Variants in MID1 observed in about 807,000 individuals in gnomAD.
The protein encoded by MID1 is midline 1.
MID1 carries 7 observed loss-of-function variants against 40.4 expected under a neutral mutation model. The ratio of observed to expected loss-of-function variants is 0.17; its 90% CI spans 0.10 to 0.33. The LOEUF (loss-of-function observed/expected upper bound fraction) is 0.33. MID1 is among the 10% of genes least tolerant of loss of function. The pLI is 1.00. For synonymous variants in MID1, 229 were observed against 221.2 expected (o/e 1.04, Z -0.31); for missense variants, 367 against 558.5 (o/e 0.66, Z 3.46).
At chrX:10,564,999 G>T (rs1259331427) in intron 2 of MID1, among the ~76,000 whole-genome samples, 3 of 28,491 alleles carry the variant, frequency 1.1e-4, no homozygotes, top group Non-Finnish European at 1.9e-4. Flanking sequence ...ACCAAAAAAG[G>T]GGTAAAAAAA....
At chrX:10,693,311 C>T (rs1212829370) in intron 1 of MID1, among the ~76,000 whole-genome samples, 6 of 107,617 alleles carry the variant, frequency 5.6e-5, no homozygotes, top group Admixed American at 1.0e-4. Flanking sequence ...CCTCCTACCC[C>T]AGCCTTCCAA....
At chrX:10,822,189 C>T (rs2044179842) in intron 1 of MID1, among the ~76,000 whole-genome samples, 1 of 111,359 alleles carries the variant, frequency 9.0e-6, no homozygotes, top group African/African-American at 3.3e-5. Flanking sequence ...TAAGGCCACA[C>T]ACCTGCAATC....
chrX:10,792,493 T>C (rs1329146077), intron 1 of MID1, among the ~76,000 whole-genome samples: 1 of 112,535 alleles, frequency 8.9e-6, no homozygotes, highest in African/African-American at 3.2e-5. Context: ...TAACACATAT[T>C]GGTAGAATGT....
intron 1 of MID1, among the ~76,000 whole-genome samples, chrX:10,617,884 C>A (rs1407105254): frequency 8.9e-6 from 1 of 112,342 alleles, no homozygotes; most frequent in African/African-American, 3.2e-5. Flanking sequence ...ACTTCCTGAT[C>A]AAGGTGAATC....
chrX:10,621,733 A>G (rs139293765), upstream of MID1, among the ~76,000 whole-genome samples: 2 of 109,974 alleles, frequency 1.8e-5, no homozygotes, highest in Admixed American at 2.0e-4. Flanking sequence ...CCATAACGCT[A>G]GCCCCCTGCC....
chrX:10,739,014 G>T (rs1017093014), intron 1 of MID1, among the ~76,000 whole-genome samples: 1 of 110,790 alleles, frequency 9.0e-6, no homozygotes, highest in Non-Finnish European at 1.9e-5. Context: ...GTGTACCAAG[G>T]TTTATTTTGT....
intron 7 of MID1, among the ~76,000 whole-genome samples, chrX:10,468,004 T>C (rs1321450762): frequency 8.9e-6 from 1 of 111,831 alleles, no homozygotes; most frequent in African/African-American, 3.3e-5. Flanking sequence ...CCCGCTTTTT[T>C]TCAAGACTTA....
At chrX:10,577,648 GTA>G (rs36060246) in intron 1 of MID1, among the ~76,000 whole-genome samples, 15,664 of 104,312 alleles carry the variant, frequency 0.15, 2,364 homozygotes, top group African/African-American at 0.45. Context: ...CATCGTGTGT[GTA>G]TATATATATA....
At chrX:10,557,247 T>C (rs887210617) in intron 2 of MID1, among the ~76,000 whole-genome samples, 7 of 111,874 alleles carry the variant, frequency 6.3e-5, no homozygotes, top group African/African-American at 1.9e-4. Flanking sequence ...GGAGGCATCA[T>C]TGCAAAGCCA....
chrX:10,783,880 CT>C (rs572257951), intron 1 of MID1, among the ~76,000 whole-genome samples: 5,189 of 107,830 alleles, frequency 0.048, 323 homozygotes, highest in African/African-American at 0.17. Context: ...ACTTGTAGCT[CT>C]TTTTTTTAAA....
chrX:10,572,392 A>C (rs1289675021), intron 1 of MID1, among the ~76,000 whole-genome samples: 1 of 110,231 alleles, frequency 9.1e-6, no homozygotes, highest in Non-Finnish European at 1.9e-5. Context: ...TCTACTAAAA[A>C]TACAAAAAAT....
chrX:10,548,923 G>A (rs1268606347), intron 2 of MID1, among the ~76,000 whole-genome samples: 1 of 111,961 alleles, frequency 8.9e-6, no homozygotes, highest in African/African-American at 3.2e-5. Context: ...GCACAGTAAG[G>A]AAGAATTAAG....
At chrX:10,523,845 C>T (rs1203683848) in intron 2 of MID1, among the ~76,000 whole-genome samples, 9 of 111,767 alleles carry the variant, frequency 8.1e-5, no homozygotes, top group South Asian at 3.8e-4. Context: ...CCTCATTATT[C>T]CCTAAACCAT....
chrX:10,794,269 T>C (rs1477263231), intron 1 of MID1, among the ~76,000 whole-genome samples: 2 of 111,799 alleles, frequency 1.8e-5, no homozygotes, highest in Non-Finnish European at 3.8e-5. Flanking sequence ...TTTACAACTG[T>C]CCCCACCCCC....
At chrX:10,695,813 T>A (rs1231148449) in intron 1 of MID1, among the ~76,000 whole-genome samples, 1 of 111,989 alleles carries the variant, frequency 8.9e-6, no homozygotes, top group Non-Finnish European at 1.9e-5. Context: ...CTATTGATCA[T>A]TTGAAATGCA....
At chrX:10,527,895 T>C (rs1932863117) in intron 2 of MID1, among the ~76,000 whole-genome samples, 1 of 111,606 alleles carries the variant, frequency 9.0e-6, no homozygotes, top group Admixed American at 9.5e-5. Flanking sequence ...TCCCTCCAGG[T>C]GCTTCCTGGA....
At chrX:10,727,665 A>C (rs191065838) in intron 1 of MID1, among the ~76,000 whole-genome samples, 2 of 111,512 alleles carry the variant, frequency 1.8e-5, no homozygotes, top group African/African-American at 6.5e-5. Flanking sequence ...ATGCATAGAA[A>C]TGCAGATTCC....
At chrX:10,635,875 G>T (rs138855599) in intron 1 of MID1, among the ~76,000 whole-genome samples, 1 of 111,898 alleles carries the variant, frequency 8.9e-6, no homozygotes, top group Non-Finnish European at 1.9e-5. Context: ...GTCTTCACTC[G>T]TGAAGATTGA....
At chrX:10,466,889 T>C (rs1248684683) in intron 7 of MID1, among the ~76,000 whole-genome samples, 1 of 111,886 alleles carries the variant, frequency 8.9e-6, no homozygotes, top group African/African-American at 3.2e-5. Flanking sequence ...ATGTCATCTC[T>C]CTGAAGGGCA....
Sources: gnomAD v4.1 joint callset for allele counts (sites outside exome capture counted in the v4.1 genomes callset) on GRCh38, gnomAD v4.1.1 for gene constraint, MANE v1.5 for transcripts, NCBI Gene and HGNC (gene_info 2026-07-23, HGNC 2026-07-21) for gene names.